Variants in LINGO2 observed in about 807,000 individuals in gnomAD.
The protein encoded by LINGO2 is leucine rich repeat and Ig domain containing 2.
LINGO2 carries 14 observed loss-of-function variants against 30.6 expected under a neutral mutation model. The observed-to-expected ratio is 0.46, with a 90% confidence interval of 0.30 to 0.72. The LOEUF is 0.72. LINGO2 is among the 30% of genes least tolerant of loss of function. The probability of loss-of-function intolerance (pLI) is 0.07; values close to 1 mark genes in which losing one functional copy is unlikely to be tolerated. For synonymous variants in LINGO2, 317 were observed against 288.5 expected, an observed-to-expected ratio of 1.10 and a Z score of -1.00; for missense variants, 729 against 751.7, an observed-to-expected ratio of 0.97 and a Z score of 0.35.
At chr9:29,161,102 G>T in the LINGO2 span, among the ~76,000 whole-genome samples, 1 of 152,350 alleles carries the variant, frequency 6.6e-6, no homozygotes, top group Middle Eastern at 3.4e-3. Context: ...CAGAGGGAAA[G>T]AGTTAAGCTG....
the LINGO2 span, among the ~76,000 whole-genome samples, chr9:29,184,939 T>A: frequency 2.0e-5 from 3 of 152,224 alleles, no homozygotes; most frequent in Non-Finnish European, 4.4e-5. Flanking sequence ...TAGCTGTAGC[T>A]GTCACAAACC....
chr9:28,705,442 G>C, the LINGO2 span, among the ~76,000 whole-genome samples: 24 of 152,004 alleles, frequency 1.6e-4, no homozygotes, highest in African/African-American at 5.6e-4. Context: ...GGACAGAATA[G>C]CTAGAGGAAG....
At chr9:27,973,614 G>C (rs1236635418) in intron 5 of LINGO2, among the ~76,000 whole-genome samples, 1 of 152,190 alleles carries the variant, frequency 6.6e-6, no homozygotes, top group African/African-American at 2.4e-5. Flanking sequence ...TCCTAGGAAA[G>C]AGAGTCACTG....
intron 4 of LINGO2, among the ~76,000 whole-genome samples, chr9:28,160,541 C>T (rs1030439987): frequency 2.0e-5 from 3 of 152,148 alleles, no homozygotes; most frequent in Admixed American, 2.0e-4. Flanking sequence ...AGACAAAATT[C>T]AGAATCTCTG....
chr9:28,330,569 A>C (rs1825382938), intron 3 of LINGO2, among the ~76,000 whole-genome samples: 1 of 152,130 alleles, frequency 6.6e-6, no homozygotes, highest in South Asian at 2.1e-4. Context: ...ATGTTTACTA[A>C]ATACTGAATT....
At chr9:28,351,311 AGGG>A (rs1819874817) in intron 3 of LINGO2, among the ~76,000 whole-genome samples, 2 of 143,474 alleles carry the variant, frequency 1.4e-5, no homozygotes, top group African/African-American at 5.1e-5. Context: ...AAAATGATAA[AGGG>A]GATATCACCA....
At chr9:28,731,059 C>T in the LINGO2 span, among the ~76,000 whole-genome samples, 33 of 151,566 alleles carry the variant, frequency 2.2e-4, no homozygotes, top group Admixed American at 1.2e-3. Flanking sequence ...GGCACGATTT[C>T]GGCTCACCAC....
At chr9:28,122,076 A>G (rs959228214) in intron 4 of LINGO2, among the ~76,000 whole-genome samples, 80 of 152,290 alleles carry the variant, frequency 5.3e-4, no homozygotes, top group African/African-American at 1.9e-3. Context: ...GGTGTTCACA[A>G]AACTAGCGCA....
the LINGO2 span, among the ~76,000 whole-genome samples, chr9:29,157,235 TGAG>T: frequency 1.3e-5 from 2 of 152,174 alleles, no homozygotes; most frequent in Non-Finnish European, 2.9e-5. Context: ...GGACAGCAGT[TGAG>T]GAGAAAGACT....
At chr9:29,015,498 C>G in the LINGO2 span, among the ~76,000 whole-genome samples, 4 of 152,034 alleles carry the variant, frequency 2.6e-5, no homozygotes, top group African/African-American at 9.7e-5. Context: ...CCAAAAGCAA[C>G]TATAGACAAT....
intron 4 of LINGO2, among the ~76,000 whole-genome samples, chr9:28,191,957 C>G (rs537878250): frequency 2.6e-5 from 4 of 152,216 alleles, no homozygotes; most frequent in Non-Finnish European, 4.4e-5. Flanking sequence ...AAAATAACAT[C>G]TATATTCTGT....
chr9:27,980,580 A>T (rs1820806798), intron 5 of LINGO2, among the ~76,000 whole-genome samples: 1 of 151,984 alleles, frequency 6.6e-6, no homozygotes, highest in Non-Finnish European at 1.5e-5. Context: ...TTTATTAAGC[A>T]GATGTTTGCC....
intron 1 of LINGO2, among the ~76,000 whole-genome samples, chr9:28,527,308 C>T (rs776589543): frequency 8.5e-5 from 13 of 152,134 alleles, no homozygotes; most frequent in Non-Finnish European, 1.8e-4. Flanking sequence ...TGTCTGTAGT[C>T]ATAAACATCT....
the LINGO2 span, among the ~76,000 whole-genome samples, chr9:28,993,649 A>G: frequency 6.6e-6 from 1 of 150,482 alleles, no homozygotes; most frequent in Non-Finnish European, 1.5e-5. Context: ...CCAGCAGCAC[A>G]TCAAAGAGCT....
downstream of LINGO2, among the ~76,000 whole-genome samples, chr9:27,947,896 C>T (rs905325770): frequency 3.9e-5 from 6 of 152,080 alleles, no homozygotes; most frequent in African/African-American, 7.2e-5. Flanking sequence ...TCTATTAACC[C>T]GCTAATAGTG....
At chr9:28,363,699 A>C (rs1478665770) in intron 3 of LINGO2, among the ~76,000 whole-genome samples, 3 of 152,022 alleles carry the variant, frequency 2.0e-5, no homozygotes, top group Admixed American at 6.6e-5. Context: ...GAAAAAAAAA[A>C]CCCTTTATTA....
the LINGO2 span, among the ~76,000 whole-genome samples, chr9:29,069,272 T>A: frequency 1.3e-5 from 2 of 152,042 alleles, no homozygotes; most frequent in Non-Finnish European, 2.9e-5. Flanking sequence ...AATACTGTCA[T>A]CATAAGAACC....
At chr9:28,758,398 A>G in the LINGO2 span, among the ~76,000 whole-genome samples, 1 of 152,074 alleles carries the variant, frequency 6.6e-6, no homozygotes, top group African/African-American at 2.4e-5. Context: ...CAACTTTGAA[A>G]CTGAAATAAG....
intron 1 of LINGO2, among the ~76,000 whole-genome samples, chr9:28,623,250 T>C (rs1563871441): frequency 6.6e-6 from 1 of 152,064 alleles, no homozygotes; most frequent in Non-Finnish European, 1.5e-5. Flanking sequence ...GGGGTATTAC[T>C]GAAGAAATTT....
Sources: gnomAD v4.1 joint callset for allele counts (sites outside exome capture counted in the v4.1 genomes callset) on GRCh38, gnomAD v4.1.1 for gene constraint, MANE v1.5 for transcripts, NCBI Gene and HGNC (gene_info 2026-07-23, HGNC 2026-07-21) for gene names.